HPCAL1: variants seen among roughly 807,000 people sequenced by gnomAD.
HPCAL1 encodes the protein hippocalcin-like protein 1.
In HPCAL1, 8 loss-of-function variants were observed where a neutral mutation model predicts 17.1. The observed-to-expected ratio is 0.47, with a 90% CI of 0.27 to 0.84. The LOEUF (loss-of-function observed/expected upper bound fraction) is 0.84, where lower values mean the gene tolerates loss of function less well. HPCAL1 is among the 40% of genes least tolerant of loss of function. HPCAL1 has a pLI of 0.13. For synonymous variants in HPCAL1, 112 were observed against 111.4 expected (o/e 1.01, Z -0.03); for missense variants, 165 against 271.1 (o/e 0.61, Z 2.75).
At chr2:10,412,822 A>G (rs927097297) in intron 2 of HPCAL1, among the ~76,000 whole-genome samples, 1 of 151,886 alleles carries the variant, frequency 6.6e-6, no homozygotes, top group Non-Finnish European at 1.5e-5. Flanking sequence ...CTCCCTGTTC[A>G]GCTGTTTGCC....
intron 1 of HPCAL1, among the ~76,000 whole-genome samples, chr2:10,314,248 T>A (rs1663162524): frequency 6.6e-6 from 1 of 151,764 alleles, no homozygotes; most frequent in South Asian, 2.1e-4. Flanking sequence ...ACTGATAACA[T>A]TGAGGAATAC....
chr2:10,420,085 C>G lies in HPCAL1; in HGVS notation c.328C>G (p.Leu110Val), dbSNP rs1240567995. ...KLKWAFSMYD[L>V]DGNGYISRSE... ...CAAGTGGGCCTTCAGCATGTACGACCTGGACGGCAACGGCTACATCAGCCG... is the reference window on the plus strand; with the variant it reads ...CAAGTGGGCCTTCAGCATGTACGACGTGGACGGCAACGGCTACATCAGCCG... The change falls in exon 3 of 5, where the codon CTG (leucine) becomes GTG (valine). Residue 110 changes from leucine to valine, a missense_variant. By Grantham distance (32) the Leu-to-Val change is conservative (BLOSUM62 1). Transcript: ENST00000307845. The G allele has an allele frequency of 6.2e-7, 1 of 1,613,540 alleles. No individual in the cohort carries two copies.
intron 2 of HPCAL1, among the ~76,000 whole-genome samples, chr2:10,414,533 T>C (rs1253709971): frequency 6.6e-6 from 1 of 152,212 alleles, no homozygotes; most frequent in East Asian, 1.9e-4. Flanking sequence ...ACCAGTCATA[T>C]TGGATTAGGG....
At chr2:10,333,164 A>G (rs1664495832) in intron 1 of HPCAL1, among the ~76,000 whole-genome samples, 1 of 152,214 alleles carries the variant, frequency 6.6e-6, no homozygotes, top group African/African-American at 2.4e-5. Context: ...AATGCTAGAC[A>G]AAGATTCTTC....
In HPCAL1 at chr2:10,330,663, G is replaced by T. The variant is rs918838743; in HGVS notation, c.-111+27486G>T. 6.6e-6 allele frequency among the ~76,000 whole-genome samples: 1 copy of T among 152,132 alleles called. No individual in the cohort carries two copies. Among genetic ancestry groups the T allele is most frequent in the African/African-American group, 2.4e-5 (1 of 41,430 alleles). On this transcript the variant is annotated intron_variant, in intron 1 of 4. Transcript: ENST00000307845. The surrounding 1 kb of genome is among the most constrained non-coding windows in gnomAD (Gnocchi z 4.2). ...ACACCAGCCCTAGATCAGGAGCCAC[G>T]CAGTGACCTCATTTTACCTTCATGA...
chr2:10,314,755 G>GGTGGAGTGAAAA (rs1663200631), intron 1 of HPCAL1, among the ~76,000 whole-genome samples: 2 of 152,208 alleles, frequency 1.3e-5, no homozygotes, highest in African/African-American at 2.4e-5. Flanking sequence ...ATAGAGATAA[G>GGTGGAGTGAAAA]TAATTGTATT....
At chr2:10,388,111 G>A (rs1191885529) in intron 1 of HPCAL1, among the ~76,000 whole-genome samples, 2 of 152,116 alleles carry the variant, frequency 1.3e-5, no homozygotes, top group East Asian at 3.9e-4. Context: ...TCAGAGGCTC[G>A]TTGTCCGGCC....
intron 1 of HPCAL1, among the ~76,000 whole-genome samples, chr2:10,355,470 A>T (rs1348006563): frequency 6.7e-6 from 1 of 149,616 alleles, no homozygotes; most frequent in Admixed American, 6.7e-5. Flanking sequence ...AAAAAAAAAA[A>T]AAAAAAAAAA....
At chr2:10,307,108 C>T (rs1026188142) in intron 1 of HPCAL1, among the ~76,000 whole-genome samples, 1 of 151,704 alleles carries the variant, frequency 6.6e-6, no homozygotes, top group African/African-American at 2.4e-5. Context: ...GTCTTAGCCC[C>T]ACCTGTGGCA....
At chr2:10,348,826 A>G (rs143356067) in intron 1 of HPCAL1, among the ~76,000 whole-genome samples, 76 of 152,264 alleles carry the variant, frequency 5.0e-4, no homozygotes, top group African/African-American at 1.8e-3. Flanking sequence ...TGGGAAATCC[A>G]GATTTGTCTG....
rs1663792390 is a variant in HPCAL1, at chr2:10,323,315, C to A, written c.-111+20138C>A. On this transcript the variant is annotated intron_variant, in intron 1 of 4. Coordinates refer to ENST00000307845, the MANE Select transcript of HPCAL1 (RefSeq NM_002149.4). This position sits in a 1 kb window ranked among gnomAD's most constrained non-coding sequence, Gnocchi z 4.6. ...TCAGTTGTCCCCTGTGCCTCTTGTACCCTAACTTCAGTGTTAGAGCACCTT... is the reference window on the plus strand; with the variant it reads ...TCAGTTGTCCCCTGTGCCTCTTGTAACCTAACTTCAGTGTTAGAGCACCTT... 6.6e-6 allele frequency among the ~76,000 whole-genome samples: 1 copy of A among 152,242 alleles called. No individual in the cohort carries two copies. The highest frequency in any genetic ancestry group is 1.5e-5 in the Non-Finnish European group (1 of 68,046).
intron 2 of HPCAL1, among the ~76,000 whole-genome samples, chr2:10,416,664 G>C (rs1670691871): frequency 6.6e-6 from 1 of 151,380 alleles, no homozygotes; most frequent in South Asian, 2.1e-4. Context: ...CTTCTGTCAG[G>C]TATTTTGGTA....
At position 10,331,093 on chromosome 2, in the gene HPCAL1, A is replaced by G. The variant is rs888652200; in HGVS notation, c.-111+27916A>G. On this transcript the variant is annotated intron_variant, in intron 1 of 4. Transcript: ENST00000307845. The surrounding 1 kb of genome is among the most constrained non-coding windows in gnomAD (Gnocchi z 5.0). ...GCCTCCCATCTGCTCTCCCGGCTGC[A>G]GGAGCGGTTTCTCTAAGCCTTGCAA... 3.3e-5 allele frequency among the ~76,000 whole-genome samples: 5 copies of G among 152,092 alleles called. No homozygotes were observed. The highest frequency in any genetic ancestry group is 1.2e-4 in the African/African-American group (5 of 41,394).
chr2:10,307,760 C>A (rs374899038), intron 1 of HPCAL1, among the ~76,000 whole-genome samples: 12 of 152,166 alleles, frequency 7.9e-5, no homozygotes, highest in African/African-American at 2.9e-4. Context: ...CACACCCACT[C>A]TTCCGGCACA....
chr2:10,372,070 G>A (rs1332783441), intron 1 of HPCAL1, among the ~76,000 whole-genome samples: 1 of 152,240 alleles, frequency 6.6e-6, no homozygotes, highest in Non-Finnish European at 1.5e-5. Flanking sequence ...TTATTTGAAA[G>A]CCAAACACGT....
chr2:10,311,869 C>T (rs1369917496), intron 1 of HPCAL1, among the ~76,000 whole-genome samples: 2 of 150,226 alleles, frequency 1.3e-5, no homozygotes, highest in Non-Finnish European at 3.0e-5. Flanking sequence ...ATCCCCATCC[C>T]CATCATCATC....
intron 2 of HPCAL1, among the ~76,000 whole-genome samples, chr2:10,418,867 A>C (rs1233527728): frequency 6.6e-6 from 1 of 151,994 alleles, no homozygotes; most frequent in Non-Finnish European, 1.5e-5. Context: ...TACTGCCTAG[A>C]GCTAATTCCA....
At chr2:10,399,534 A>ACCG (rs1402479042) in intron 2 of HPCAL1, among the ~76,000 whole-genome samples, 3 of 114,442 alleles carry the variant, frequency 2.6e-5, no homozygotes, top group African/African-American at 1.3e-4. Context: ...CGCCACTGCC[A>ACCG]CCGCCACCAT....
Position 10,318,436 on chromosome 2 carries a change from G to A in HPCAL1, c.-111+15259G>A, listed in dbSNP as rs564885182. ...TTCAGCAAGGGTCTACTGCAGTCCC[G>A]GTGCCGGACAGCCTGTTTTGCCCAT... On this transcript the variant is annotated intron_variant, in intron 1 of 4. Coordinates refer to ENST00000307845, the MANE Select transcript of HPCAL1 (RefSeq NM_002149.4). 2.6e-5 allele frequency among the ~76,000 whole-genome samples: 4 copies of A among 152,240 alleles called. No homozygotes were observed. In the South Asian group the frequency reaches 6.2e-4, roughly 24 times the overall value.
Sources: allele counts gnomAD v4.1 joint callset (sites outside exome capture counted in the v4.1 genomes callset), GRCh38; gene constraint gnomAD v4.1.1; non-coding constraint Gnocchi (gnomAD v3.1); transcripts MANE v1.5; gene names NCBI Gene and HGNC (gene_info 2026-07-23, HGNC 2026-07-21).